The following CWH43 variants were observed in gnomAD, a reference collection of about 807,000 sequenced individuals.
CWH43 encodes the protein PGAP2-interacting protein.
Under a neutral mutation model 85.7 loss-of-function variants are expected in CWH43, and 91 were observed. The ratio of observed to expected loss-of-function variants is 1.06; its 90% CI spans 0.90 to 1.26. CWH43 has a LOEUF of 1.26. Among genes scored for constraint, CWH43 ranks in the 50% most tolerant of loss-of-function variants. The pLI, the probability that CWH43 is intolerant of heterozygous loss-of-function variation, is 0.00. For missense variants in CWH43, 869 were observed against 839.2 expected (o/e 1.04, Z -0.44); for synonymous variants, 323 against 293.6 (o/e 1.10, Z -1.02).
chr4:49,030,872 A>T lies in CWH43; in HGVS notation c.1420A>T (p.Met474Leu). The T allele has an allele frequency of 1.2e-6, 2 of 1,608,888 alleles. No homozygotes were observed. The highest frequency in any genetic ancestry group is 1.7e-6 in the Non-Finnish European group (2 of 1,178,244). ...GGAGAGTGATGCTTCTAAGCCCTAT[A>T]TGGGGAACAATGACTTAACCATGTG... ...ILESDASKPY[M>L]GNNDLTMWLG... is the part of the protein sequence containing the mutation. Residue 474 changes from methionine (M) to leucine (L), a missense_variant, in exon 11 of 16, where the codon ATG becomes TTG. Physicochemically the swap from Met to Leu is conservative, Grantham distance 15 (BLOSUM62 2). This residue lies in a region of CWH43 where 577 missense variants were observed against 513.1 expected (regional missense o/e 1.12). Transcript: ENST00000226432.
intron 12 of CWH43, among the ~76,000 whole-genome samples, chr4:49,035,726 T>A (rs1175080675): frequency 1.3e-5 from 2 of 152,208 alleles, no homozygotes; most frequent in East Asian, 1.9e-4. Flanking sequence ...TTTTTACTTT[T>A]ATTACTCTCA....
At chr4:48,998,677 T>C in intron 6 of CWH43, 129 bp downstream of exon 6, 1 of 702,008 alleles carries the variant, frequency 1.4e-6, no homozygotes, top group Non-Finnish European at 2.6e-6. Context: ...TGGGCTGTTG[T>C]AAACAGCAAC....
intron 12 of CWH43, among the ~76,000 whole-genome samples, chr4:49,036,132 T>C (rs1003725205): frequency 1.3e-5 from 2 of 152,164 alleles, no homozygotes; most frequent in Non-Finnish European, 2.9e-5. Flanking sequence ...TGGCATAGAA[T>C]GCAGCTACTG....
At chr4:49,003,609 T>G in intron 6 of CWH43, 126 bp from the exon 7 acceptor site, 2 of 895,062 alleles carry the variant, frequency 2.2e-6, no homozygotes, top group Admixed American at 2.3e-5. Flanking sequence ...AGATCTTAGT[T>G]TTCTCATCTG....
chr4:49,009,326 G>T (rs1353593123), intron 8 of CWH43, among the ~76,000 whole-genome samples: 2 of 152,168 alleles, frequency 1.3e-5, no homozygotes, highest in East Asian at 1.9e-4. Flanking sequence ...CACTGATTTT[G>T]TATCCTGAGA....
intron 5 of CWH43, among the ~76,000 whole-genome samples, chr4:48,995,640 C>T (rs968450098): frequency 3.3e-5 from 5 of 152,204 alleles, no homozygotes; most frequent in Non-Finnish European, 5.9e-5. Context: ...CAGTCCTCCA[C>T]GCATGTTCTT....
chr4:48,986,369 G>T lies in CWH43; in HGVS notation c.-61G>T, dbSNP rs1782494019. 2.0e-6 allele frequency: 3 copies of T among 1,505,780 alleles called. No homozygotes were observed. Among genetic ancestry groups the T allele is most frequent in the Admixed American group, 4.0e-5 (2 of 50,082 alleles). The allele number at this position is 1,505,780 out of a possible 1,614,324, so 93.3% of individuals were successfully genotyped here. A position where few individuals can be genotyped will look rare whatever the true frequency, so the allele number is the denominator to read the frequency against. On this transcript the variant is annotated 5_prime_UTR_variant, in exon 1 of 16. Coordinates refer to ENST00000226432, the MANE Select transcript of CWH43 (RefSeq NM_025087.3). ...GGCGGCGGGAACCTGGGGGCGCAGG[G>T]CTAGGGCAGCGGGCCCGACCCGCAC... is the stretch of plus-strand genomic sequence containing the variant.
At chr4:49,058,231 C>A (rs993429779) in intron 15 of CWH43, among the ~76,000 whole-genome samples, 1 of 151,978 alleles carries the variant, frequency 6.6e-6, no homozygotes, top group Non-Finnish European at 1.5e-5. Context: ...GCTTTGATTG[C>A]TTTCTCTTTA....
intron 12 of CWH43, among the ~76,000 whole-genome samples, chr4:49,036,288 G>C (rs752200685): frequency 6.6e-6 from 1 of 152,208 alleles, no homozygotes; most frequent in Non-Finnish European, 1.5e-5. Context: ...CAGCCTCTCA[G>C]GGCATAGAGA....
chr4:49,027,995 T>C (rs1783971341), intron 9 of CWH43, among the ~76,000 whole-genome samples: 1 of 152,162 alleles, frequency 6.6e-6, no homozygotes, highest in Non-Finnish European at 1.5e-5. Flanking sequence ...ATAACTAGGT[T>C]AAAATAGGCT....
chr4:49,059,933 T>C (rs887268339), intron 15 of CWH43, among the ~76,000 whole-genome samples: 24 of 152,142 alleles, frequency 1.6e-4, no homozygotes, highest in Non-Finnish European at 2.9e-4. Context: ...TTGGGATAGA[T>C]CTGGAACCTG....
chr4:49,002,925 G>GTAT (rs988692239), intron 6 of CWH43, among the ~76,000 whole-genome samples: 8 of 152,268 alleles, frequency 5.3e-5, no homozygotes, highest in African/African-American at 1.9e-4. Context: ...AGCTACCCTT[G>GTAT]AAGGGTGGGT....
chr4:49,039,919 C>T (rs1446205743), intron 13 of CWH43, among the ~76,000 whole-genome samples: 1 of 151,890 alleles, frequency 6.6e-6, no homozygotes, highest in Non-Finnish European at 1.5e-5. Context: ...CAACAGTCTC[C>T]AGAGTGTGAT....
intron 9 of CWH43, among the ~76,000 whole-genome samples, chr4:49,020,475 T>A (rs746893202): frequency 6.6e-6 from 1 of 151,822 alleles, no homozygotes; most frequent in Non-Finnish European, 1.5e-5. Context: ...GCATTTGGGC[T>A]GGTACTATAT....
chr4:49,050,795 A>G lies in CWH43; in HGVS notation c.1967A>G (p.Gln656Arg). The G allele has an allele frequency of 6.2e-7, 1 of 1,612,882 alleles. No individual in the cohort carries two copies. Among genetic ancestry groups the G allele is most frequent in the Non-Finnish European group, 8.5e-7 (1 of 1,179,024 alleles). Residue 656 changes from glutamine (Q) to arginine (R), a missense_variant, in exon 15 of 16, where the codon CAG (glutamine) becomes CGG (arginine). Physicochemically the swap from Gln to Arg is conservative, Grantham distance 43. Around this residue, in one of 3 missense-constraint regions of CWH43, gnomAD observed 577 missense variants for 513.1 expected, o/e 1.12. Transcript: ENST00000226432. ...PDDPTNYRDN[Q>R]KVVIDHREVS... ...GACCCCACTAATTATAGAGACAACCAGAAAGTGGTCATAGACCACAGAGAA... is the reference window on the plus strand; with the variant it reads ...GACCCCACTAATTATAGAGACAACCGGAAAGTGGTCATAGACCACAGAGAA...
intron 10 of CWH43, 130 bp from the exon 11 acceptor site, chr4:49,030,695 C>A: frequency 2.6e-6 from 2 of 765,490 alleles, no homozygotes; most frequent in African/African-American, 1.8e-5. Flanking sequence ...TAGTGACTCA[C>A]TAATAATTAC....
intron 15 of CWH43, among the ~76,000 whole-genome samples, chr4:49,059,781 G>A (rs1271124693): frequency 6.6e-6 from 1 of 152,044 alleles, no homozygotes; most frequent in South Asian, 2.1e-4. Context: ...TGGGCCTGGA[G>A]CCTGTGTCAA....
intron 15 of CWH43, among the ~76,000 whole-genome samples, chr4:49,061,022 A>G (rs1323051085): frequency 1.3e-5 from 2 of 152,172 alleles, no homozygotes; most frequent in East Asian, 3.8e-4. Context: ...TAATCATTGC[A>G]TAATATTTCA....
intron 9 of CWH43, among the ~76,000 whole-genome samples, chr4:49,026,751 G>T (rs959991739): frequency 1.3e-5 from 2 of 152,164 alleles, no homozygotes; most frequent in African/African-American, 4.8e-5. Context: ...ATCCCATGGT[G>T]TACATATATA....
Sources: allele counts gnomAD v4.1 joint callset (sites outside exome capture counted in the v4.1 genomes callset), GRCh38; gene constraint gnomAD v4.1.1; regional missense constraint gnomAD v4.1.1; transcripts MANE v1.5; gene names NCBI Gene and HGNC (gene_info 2026-07-23, HGNC 2026-07-21).